The following CNTLN variants were observed in gnomAD, a reference collection of about 807,000 sequenced individuals.
The protein encoded by CNTLN is centlein, also known as centlein, centrosomal protein.
In CNTLN, 212 loss-of-function variants were observed where a neutral mutation model predicts 180.0. That is an observed-to-expected ratio of 1.18 (90% confidence interval 1.05 to 1.32). CNTLN has a LOEUF of 1.32. Among genes scored for constraint, CNTLN ranks in the 40% most tolerant of loss-of-function variants. The pLI is 0.00. For missense variants in CNTLN, 2,095 were observed against 1,610.9 expected, an observed-to-expected ratio of 1.30 and a Z score of -5.14; for synonymous variants, 722 against 563.1, an observed-to-expected ratio of 1.28 and a Z score of -3.99.
At chr9:17,437,030 T>G (rs1829818616) in intron 18 of CNTLN, among the ~76,000 whole-genome samples, 1 of 152,234 alleles carries the variant, frequency 6.6e-6, no homozygotes, top group Non-Finnish European at 1.5e-5. Flanking sequence ...GTGCGGTTAT[T>G]GATCTGTGCG....
chr9:17,455,900 C>T (rs1831086361), intron 18 of CNTLN, among the ~76,000 whole-genome samples: 1 of 146,822 alleles, frequency 6.8e-6, no homozygotes, highest in African/African-American at 2.7e-5. Context: ...CCTTATTATC[C>T]ACAAACATTT....
At chr9:17,483,416 A>G (rs1216759005) in intron 23 of CNTLN, among the ~76,000 whole-genome samples, 1 of 152,198 alleles carries the variant, frequency 6.6e-6, no homozygotes, top group Non-Finnish European at 1.5e-5. Flanking sequence ...AGCTGTCAAA[A>G]TTATAGTTAT....
At chr9:17,248,681 A>G (rs990300012) in intron 5 of CNTLN, among the ~76,000 whole-genome samples, 1 of 150,924 alleles carries the variant, frequency 6.6e-6, no homozygotes, top group Non-Finnish European at 1.5e-5. Context: ...ATATAGAGAA[A>G]AAATAATAAA....
At chr9:17,373,641 A>G (rs1218007611) in intron 13 of CNTLN, among the ~76,000 whole-genome samples, 1 of 152,158 alleles carries the variant, frequency 6.6e-6, no homozygotes, top group Admixed American at 6.5e-5. Flanking sequence ...CCTAAAATTT[A>G]TATAGAATAA....
At chr9:17,524,497 A>G in the CNTLN span, among the ~76,000 whole-genome samples, 1 of 152,204 alleles carries the variant, frequency 6.6e-6, no homozygotes, top group Non-Finnish European at 1.5e-5. Flanking sequence ...TACCTTTTCA[A>G]ATGTTCAAAT....
intron 7 of CNTLN, among the ~76,000 whole-genome samples, chr9:17,306,619 A>G (rs1267526248): frequency 1.3e-5 from 2 of 152,192 alleles, no homozygotes; most frequent in Non-Finnish European, 2.9e-5. Context: ...TGGCCAGTAA[A>G]TTGGTCCTCG....
the CNTLN span, among the ~76,000 whole-genome samples, chr9:17,511,664 A>G: frequency 6.6e-6 from 1 of 151,610 alleles, no homozygotes; most frequent in African/African-American, 2.4e-5. Context: ...ACACACACAC[A>G]CACACACGCA....
chr9:17,397,696 C>T (rs1826646187), intron 15 of CNTLN, among the ~76,000 whole-genome samples: 1 of 152,218 alleles, frequency 6.6e-6, no homozygotes, highest in South Asian at 2.1e-4. Flanking sequence ...TTACCCAGCA[C>T]CTATTCAAGA....
rs1830345169 is a variant in CNTLN, at chr9:17,445,374, A to C, written c.3115-12150A>C. Among the ~76,000 whole-genome samples, 6 of 152,192 alleles carry C rather than the reference A, an allele frequency of 3.9e-5. No homozygotes were observed. The South Asian group carries it at 1.2e-3, about 32-fold the overall frequency. ...AACTATTGACCCTGTGGGGAAAAGC[A>C]AGAGAGATCAGATTGTTACAGTGTC... On this transcript the variant is annotated intron_variant, in intron 18 of 25. Transcript: ENST00000380647.
At chr9:17,334,568 C>G (rs886455776) in intron 10 of CNTLN, among the ~76,000 whole-genome samples, 2 of 152,116 alleles carry the variant, frequency 1.3e-5, no homozygotes, top group African/African-American at 4.8e-5. Flanking sequence ...TGTAGTCGCT[C>G]AGGGAATGCT....
Position 17,263,495 on chromosome 9 carries a change from A to G in CNTLN, c.850-10238A>G, listed in dbSNP as rs144613058. Among the ~76,000 whole-genome samples, 1,122 of 149,422 alleles carry G rather than the reference A, an allele frequency of 7.5e-3. 54 individuals carry two copies. The highest frequency in any genetic ancestry group is 0.028 in the African/African-American group (1,076 of 38,876). ...CTTTGCTATTGTGAATAGTACCACA[A>G]TAAACATATGTGTGCATGTGTCTTT... is the stretch of plus-strand genomic sequence containing the variant. On this transcript the variant is annotated intron_variant, in intron 5 of 25. Coordinates refer to ENST00000380647, the MANE Select transcript of CNTLN (RefSeq NM_017738.4).
chr9:17,481,522 C>G lies in CNTLN; in HGVS notation c.3856-2773C>G, dbSNP rs1215499051. ...CAGTAGTCCTGTCCAGAGAGAGAACCAAGCCAATGACCCCACCCAACTGCA... is the reference window on the plus strand; with the variant it reads ...CAGTAGTCCTGTCCAGAGAGAGAACGAAGCCAATGACCCCACCCAACTGCA... On this transcript the variant is annotated intron_variant, in intron 23 of 25. Transcript: ENST00000380647. Among the ~76,000 whole-genome samples, 4 of 152,152 alleles carry G rather than the reference C, an allele frequency of 2.6e-5. No homozygotes were observed. The East Asian group carries it at 7.7e-4, about 29-fold the overall frequency.
chr9:17,213,086 G>A (rs920985823), intron 2 of CNTLN, among the ~76,000 whole-genome samples: 15 of 151,820 alleles, frequency 9.9e-5, no homozygotes, highest in South Asian at 2.1e-4. Context: ...CTTATTTCTC[G>A]CCTTCTGCTA....
chr9:17,494,931 A>T (rs1213924179), intron 25 of CNTLN: 2 of 426,578 alleles, frequency 4.7e-6, no homozygotes, highest in Non-Finnish European at 9.2e-6. Flanking sequence ...TCCCAGGCTG[A>T]AGTGCAATGG....
chr9:17,477,153 A>G (rs763132813), intron 23 of CNTLN, among the ~76,000 whole-genome samples: 53 of 152,306 alleles, frequency 3.5e-4, no homozygotes, highest in Middle Eastern at 3.4e-3. Context: ...GGTTTACTGA[A>G]TATTTTAGGC....
chr9:17,502,566 T>C lies in CNTLN; in HGVS notation c.4135T>C (p.Tyr1379His). 7.1e-7 allele frequency: 1 copy of C among 1,400,388 alleles called. No individual in the cohort carries two copies. The highest frequency in any genetic ancestry group is 9.8e-7 in the Non-Finnish European group (1 of 1,025,094). The allele number at this position is 1,400,388 out of a possible 1,614,324, so 86.7% of individuals were successfully genotyped here. ...LLEGQLPFAS[Y>H]LLEAVLEKIN... ...TCTTTTACAGCTTCCTTTTGCCTCATATTTACTAGAAGCAGTACTGGAAAA... is the reference window on the plus strand; with the variant it reads ...TCTTTTACAGCTTCCTTTTGCCTCACATTTACTAGAAGCAGTACTGGAAAA... Residue 1379 changes from tyrosine to histidine, a missense_variant, in exon 26 of 26, where the codon TAT (tyrosine) becomes CAT (histidine). By Grantham distance (83) the Tyr-to-His change is moderately conservative. Coordinates refer to ENST00000380647, the MANE Select transcript of CNTLN (RefSeq NM_017738.4).
At chr9:17,283,489 CTT>C (rs1176516922) in intron 6 of CNTLN, among the ~76,000 whole-genome samples, 1 of 152,050 alleles carries the variant, frequency 6.6e-6, no homozygotes, top group Non-Finnish European at 1.5e-5. Flanking sequence ...GCTTGGAAAG[CTT>C]TTGGGCTGTG....
intron 8 of CNTLN, among the ~76,000 whole-genome samples, chr9:17,314,818 G>T (rs945441874): frequency 1.2e-4 from 18 of 152,136 alleles, no homozygotes; most frequent in African/African-American, 4.3e-4. Context: ...AAATGGTCGT[G>T]TGTGGTAGAT....
chr9:17,526,932 C>A, the CNTLN span, among the ~76,000 whole-genome samples: 1 of 151,998 alleles, frequency 6.6e-6, no homozygotes, highest in Non-Finnish European at 1.5e-5. Flanking sequence ...GGCTGGAGTT[C>A]TGTTGTGCAA....
Sources: gnomAD v4.1 joint callset for allele counts (sites outside exome capture counted in the v4.1 genomes callset) on GRCh38, gnomAD v4.1.1 for gene constraint, MANE v1.5 for transcripts, NCBI Gene and HGNC (gene_info 2026-07-23, HGNC 2026-07-21) for gene names.